Variants in ZNF534 observed in about 807,000 individuals in gnomAD.
ZNF534 encodes the protein zinc finger protein 534.
In ZNF534, 19 loss-of-function variants were observed where a neutral mutation model predicts 13.6. The ratio of observed to expected loss-of-function variants is 1.40; its 90% CI spans 0.97 to 2.05. The LOEUF (loss-of-function observed/expected upper bound fraction) is 2.05. Ranked by LOEUF, ZNF534 falls within the 30% of genes most tolerant of loss-of-function variation. ZNF534 has a pLI of 0.00. For synonymous variants in ZNF534, 244 were observed against 273.8 expected, an observed-to-expected ratio of 0.89 and a Z score of 1.07; for missense variants, 782 against 796.3, an observed-to-expected ratio of 0.98 and a Z score of 0.22.
chr19:52,435,868 A>ATTTTAG (rs2059125171), intron 4 of ZNF534, among the ~76,000 whole-genome samples: 3 of 151,050 alleles, frequency 2.0e-5, no homozygotes, highest in African/African-American at 7.3e-5. Context: ...GAAAGCCTGA[A>ATTTTAG]TTATTTTTGT....
In ZNF534 at chr19:52,439,052, T is replaced by C; in HGVS notation, c.1592T>C (p.Phe531Ser). 2.5e-6 allele frequency: 4 copies of C among 1,596,316 alleles called. No homozygotes were observed. In the South Asian group the frequency reaches 4.5e-5, roughly 18 times the overall value. ...AGTTGTAATGAATGTGGCAAGGTCT[T>C]CCGTCGGAATTCACACCTTGTGCGA... ...PYSCNECGKVFRRNSHLVRHR... is the reference protein window; with the variant it reads ...PYSCNECGKVSRRNSHLVRHR... Residue 531 changes from phenylalanine to serine, a missense_variant, in exon 5 of 5, where the codon TTC (phenylalanine) becomes TCC (serine). By Grantham distance (155) the Phe-to-Ser change is radical. This residue lies in a region of ZNF534 where 591 missense variants were observed against 574.0 expected (regional missense o/e 1.03). Transcript: ENST00000433050.
rs140948331 is a variant in ZNF534, at chr19:52,433,442, C to G, written c.16-513C>G. 5.1e-3 allele frequency among the ~76,000 whole-genome samples: 771 copies of G among 152,098 alleles called. 5 individuals carry two copies. The highest frequency in any genetic ancestry group is 0.037 in the Middle Eastern group (11 of 294). Reference sequence around the variant, plus strand: ...AGTGCAGTGGCGCAATCTCAGCTCACTGCAATGTCCCACTCCTGGGTTCAC... The same window carrying G: ...AGTGCAGTGGCGCAATCTCAGCTCAGTGCAATGTCCCACTCCTGGGTTCAC... On this transcript the variant is annotated intron_variant, in intron 2 of 4. Transcript: ENST00000433050.
At position 52,438,686 on chromosome 19, in the gene ZNF534, G is replaced by A. The variant is rs768506004; in HGVS notation, c.1226G>A (p.Arg409His). 1.1e-4 allele frequency: 181 copies of A among 1,574,688 alleles called. No homozygotes were observed. Among genetic ancestry groups the A allele is most frequent in the Admixed American group, 3.8e-4 (20 of 53,322 alleles). The change falls in exon 5 of 5, where the codon CGT becomes CAT. Residue 409 changes from arginine (R) to histidine (H), a missense_variant. Arg to His is a conservative substitution (Grantham distance 29). Around this residue, in one of 5 missense-constraint regions of ZNF534, gnomAD observed 591 missense variants for 574.0 expected, o/e 1.03. Coordinates refer to ENST00000433050, the MANE Select transcript of ZNF534 (RefSeq NM_001143938.3). ...AGGAAAATTCATACTGGGGGGAGGCGTTACAAATGTAATGAATGTGGCAAA... is the reference window on the plus strand; with the variant it reads ...AGGAAAATTCATACTGGGGGGAGGCATTACAAATGTAATGAATGTGGCAAA... ...RHRKIHTGGR[R>H]YKCNECGKAF... is the part of the protein sequence containing the mutation.
chr19:52,448,457 G>C (rs1991478), intron 4 of ZNF534, among the ~76,000 whole-genome samples: 139,110 of 152,010 alleles, frequency 0.92, 64,004 homozygotes, highest in Non-Finnish European at 0.96. Flanking sequence ...ACTTGTGAAT[G>C]TGAGGCTGAG....
rs1000947164 is a variant in ZNF534, at chr19:52,440,913, T to TC, written c.*1472dup. Reference sequence around the variant, plus strand: ...TGGAGATAAGTCTTTTTTTTTTTTTTCCCCCGAAACAAGAGTCTCGCTCTG... The same window carrying TC: ...TGGAGATAAGTCTTTTTTTTTTTTTTCCCCCCGAAACAAGAGTCTCGCTCTG... On this transcript the variant is annotated 3_prime_UTR_variant, in exon 5 of 5. Transcript: ENST00000433050. Among the ~76,000 whole-genome samples the TC allele has an allele frequency of 6.0e-5, 9 of 150,912 alleles. 1 individual carries two copies. The highest frequency in any genetic ancestry group is 6.8e-3 in the Middle Eastern group (2 of 294).
intron 4 of ZNF534, among the ~76,000 whole-genome samples, chr19:52,448,986 C>A (rs1041772663): frequency 6.6e-6 from 1 of 152,040 alleles, no homozygotes; most frequent in African/African-American, 2.4e-5. Flanking sequence ...TACCCATTAA[C>A]CTACTTCTTT....
downstream of ZNF534, among the ~76,000 whole-genome samples, chr19:52,444,075 C>A (rs1437497055): frequency 6.6e-6 from 1 of 151,822 alleles, no homozygotes; most frequent in Admixed American, 6.6e-5. Context: ...GTTAGAAAAC[C>A]TTGTTTTGTT....
chr19:52,430,026 G>GGGT (rs2059076926), intron 1 of ZNF534, among the ~76,000 whole-genome samples: 1 of 149,740 alleles, frequency 6.7e-6, no homozygotes, highest in African/African-American at 2.5e-5. Context: ...TTTTTTTTGG[G>GGGT]TTTTTTTGAG....
chr19:52,451,337 C>G lies in ZNF534; in HGVS notation c.422C>G (p.Ser141Cys), dbSNP rs373085792. The G allele has an allele frequency of 4.0e-5, 43 of 1,084,092 alleles. No homozygotes were observed. The African/African-American group carries it at 6.1e-4, about 15-fold the overall frequency. 67.2% of individuals were successfully genotyped at this position (1,084,092 alleles called of 1,614,324 possible). ...GCTCTGCTACCATTTCCTTCCGTTT[C>G]TGCTTCGCTTGGCGATGCAAAACGC... is the stretch of plus-strand genomic sequence containing the variant. The change falls in exon 5 of 5, where the codon TCT becomes TGT. Residue 141 changes from serine (S) to cysteine (C), a missense_variant. Physicochemically the swap from Ser to Cys is moderately radical, Grantham distance 112 (BLOSUM62 -1). Transcript: ENST00000301085.
At chr19:52,433,775 C>A in intron 2 of ZNF534, 180 bp from the exon 3 acceptor site, 1 of 714,446 alleles carries the variant, frequency 1.4e-6, no homozygotes, top group East Asian at 2.9e-5. Flanking sequence ...TGTCATCACT[C>A]CTTATGGAAA....
At chr19:52,434,336 G>C (rs1428627529) in intron 3 of ZNF534, among the ~76,000 whole-genome samples, 1 of 151,594 alleles carries the variant, frequency 6.6e-6, no homozygotes, top group Admixed American at 6.6e-5. Context: ...ACAAAAAAGG[G>C]TGCCTGTAGT....
At chr19:52,436,296 T>C (rs2608487) in intron 4 of ZNF534, among the ~76,000 whole-genome samples, 142,302 of 152,064 alleles carry the variant, frequency 0.94, 66,827 homozygotes, top group Non-Finnish European at 0.96. Context: ...TGAAGATACC[T>C]GCTGGAAAAA....
chr19:52,431,055 G>A (rs1358491293), intron 1 of ZNF534, among the ~76,000 whole-genome samples: 1 of 151,142 alleles, frequency 6.6e-6, no homozygotes, highest in Non-Finnish European at 1.5e-5. Flanking sequence ...GTTTCATTAT[G>A]TTGGCCAGGC....
chr19:52,437,289 C>T (rs981903837), intron 4 of ZNF534, among the ~76,000 whole-genome samples: 1 of 152,142 alleles, frequency 6.6e-6, no homozygotes, highest in Non-Finnish European at 1.5e-5. Flanking sequence ...ACCTCACTCC[C>T]TTGTGTTTTC....
chr19:52,440,787 A>C lies in ZNF534; in HGVS notation c.*1341A>C, dbSNP rs1376767892. Among the ~76,000 whole-genome samples, 3 of 152,150 alleles carry C rather than the reference A, an allele frequency of 2.0e-5. No individual in the cohort carries two copies. The highest frequency in any genetic ancestry group is 6.5e-5 in the Admixed American group (1 of 15,270). The stretch of plus-strand genomic sequence containing the variant: ...CAGTGAGATTCTGTCTCAAAAAAAA[A>C]AAAAAGAATTCATACTGGAAGGAAG... On this transcript the variant is annotated 3_prime_UTR_variant, in exon 5 of 5. Transcript: ENST00000433050.
rs757815759 is a variant in ZNF534 at position 52,433,795 on chromosome 19, A to ACT, written c.16-160_16-159insCT. On this transcript the variant is annotated intron_variant, in intron 2 of 4. Transcript: ENST00000433050. The stretch of plus-strand genomic sequence containing the variant: ...TCACTCCTTATGGAAAAGTATAATA[A>ACT]AACACAATCACAGACACATAACTAG... 394 of 797,906 alleles carry ACT rather than the reference A, an allele frequency of 4.9e-4. 1 individual carries two copies. Among genetic ancestry groups the ACT allele is most frequent in the Non-Finnish European group, 3.9e-4 (183 of 469,394 alleles). 49.4% of individuals were successfully genotyped at this position (797,906 alleles called of 1,614,324 possible).
intron 1 of ZNF534, among the ~76,000 whole-genome samples, chr19:52,430,946 G>A (rs2059083257): frequency 6.6e-6 from 1 of 151,930 alleles, no homozygotes; most frequent in Non-Finnish European, 1.5e-5. Flanking sequence ...TGCCTCCCAA[G>A]TTCAAGGGAT....
intron 4 of ZNF534, among the ~76,000 whole-genome samples, chr19:52,447,867 A>G (rs993383115): frequency 1.6e-5 from 2 of 124,590 alleles, no homozygotes; most frequent in South Asian, 2.7e-4. Flanking sequence ...TTTCATGTGA[A>G]ATTTAGTTTT....
intron 1 of ZNF534, 116 bp downstream of exon 1, chr19:52,429,360 A>T (rs949815581): frequency 6.6e-6 from 1 of 152,136 alleles, no homozygotes; most frequent in Non-Finnish European, 1.5e-5. Flanking sequence ...TATCCACTCC[A>T]AGTAAATTCA....
Sources: gnomAD v4.1 joint callset for allele counts (sites outside exome capture counted in the v4.1 genomes callset) on GRCh38, gnomAD v4.1.1 for gene constraint, gnomAD v4.1.1 regional missense constraint, MANE v1.5 for transcripts, NCBI Gene and HGNC (gene_info 2026-07-23, HGNC 2026-07-21) for gene names.